RAB2A: variants seen among roughly 807,000 people sequenced by gnomAD.
RAB2A encodes the protein ras-related protein Rab-2A.
In RAB2A, 7 loss-of-function variants were observed where a neutral mutation model predicts 32.5. The ratio of observed to expected loss-of-function variants is 0.22; its 90% CI spans 0.12 to 0.40. The LOEUF is 0.40. Among genes scored for constraint, RAB2A ranks in the 10% least tolerant of loss-of-function variants. The probability of loss-of-function intolerance (pLI) is 1.00; values close to 1 mark genes in which losing one functional copy is unlikely to be tolerated. For missense variants in RAB2A, 108 were observed against 260.7 expected (o/e 0.41, Z 4.03); for synonymous variants, 79 against 85.2 (o/e 0.93, Z 0.40).
chr8:60,576,645 CTT>C (rs1803638619), intron 3 of RAB2A, among the ~76,000 whole-genome samples: 1 of 152,140 alleles, frequency 6.6e-6, no homozygotes, highest in African/African-American at 2.4e-5. Flanking sequence ...ACTTTATACT[CTT>C]GACGTATTAT....
At chr8:60,571,983 A>C in intron 2 of RAB2A, 63 bp from the exon 3 acceptor site, 1 of 1,214,578 alleles carries the variant, frequency 8.2e-7, no homozygotes, top group Non-Finnish European at 1.2e-6. Context: ...TTCTGTTTTT[A>C]ATCCTTGAAA....
intron 1 of RAB2A, among the ~76,000 whole-genome samples, chr8:60,538,149 C>A (rs1408827831): frequency 3.9e-5 from 6 of 152,240 alleles, no homozygotes; most frequent in Non-Finnish European, 7.4e-5. Flanking sequence ...TAACTTATTC[C>A]CTAATAAAAT....
At chr8:60,547,873 C>CG (rs1382474458) in intron 1 of RAB2A, among the ~76,000 whole-genome samples, 3 of 103,094 alleles carry the variant, frequency 2.9e-5, no homozygotes, top group East Asian at 3.3e-4. Flanking sequence ...GCTGGCCGGG[C>CG]GGGGGGCTGA....
At chr8:60,599,345 A>C (rs1031395607) in intron 6 of RAB2A, among the ~76,000 whole-genome samples, 1 of 152,206 alleles carries the variant, frequency 6.6e-6, no homozygotes, top group African/African-American at 2.4e-5. Context: ...TCAACCTTGT[A>C]AAATGTCACT....
chr8:60,547,732 G>A (rs1244263482), intron 1 of RAB2A, among the ~76,000 whole-genome samples: 2 of 117,128 alleles, frequency 1.7e-5, no homozygotes, highest in African/African-American at 6.5e-5. Context: ...TCCCGGACGG[G>A]GCGGCTGGCC....
In RAB2A at chr8:60,622,282, T is replaced by G. The variant is rs1228695345; in HGVS notation, c.*1513T>G. On this transcript the variant is annotated 3_prime_UTR_variant, in exon 8 of 8. Transcript: ENST00000262646. ...TAACTCTGAAACTAACTACTTTCAT[T>G]TCGCTCATGGCCTTCAACTTTCTAC... The G allele has an allele frequency of 6.6e-6, 1 of 152,238 alleles. No homozygotes were observed. The highest frequency in any genetic ancestry group is 6.5e-5 in the Admixed American group (1 of 15,288). 9.4% of individuals were successfully genotyped at this position (152,238 alleles called of 1,614,324 possible).
intron 3 of RAB2A, among the ~76,000 whole-genome samples, chr8:60,583,172 T>A (rs1485148774): frequency 6.6e-6 from 1 of 152,190 alleles, no homozygotes; most frequent in African/African-American, 2.4e-5. Context: ...GCTAAATATT[T>A]ACATTGCAAG....
intron 1 of RAB2A, among the ~76,000 whole-genome samples, chr8:60,537,948 G>A (rs1807582798): frequency 6.6e-6 from 1 of 152,162 alleles, no homozygotes; most frequent in South Asian, 2.1e-4. Context: ...CCAGTGCTGG[G>A]ATTACAAGCA....
In RAB2A at chr8:60,517,193, T is replaced by A. The variant is rs984913988; in HGVS notation, c.-15T>A. The A allele has an allele frequency of 4.0e-6, 6 of 1,487,706 alleles. No individual in the cohort carries two copies. In the African/African-American group the frequency reaches 7.3e-5, roughly 18 times the overall value. The allele number at this position is 1,487,706 out of a possible 1,614,324, so 92.2% of individuals were successfully genotyped here. On this transcript the variant is annotated 5_prime_UTR_variant, in exon 1 of 8. Transcript: ENST00000262646. ...GAGGAGGAGCCGTGTGCCCTGGCAC[T>A]GAGCGGCCGCGGCCATGGCGTACGC...
intron 1 of RAB2A, among the ~76,000 whole-genome samples, chr8:60,547,761 C>G (rs1807763377): frequency 7.8e-6 from 1 of 128,944 alleles, no homozygotes; most frequent in Non-Finnish European, 1.6e-5. Context: ...TGGCTCCTCA[C>G]TTCCCAGCAG....
At chr8:60,552,895 G>A (rs972729043) in intron 1 of RAB2A, 3 of 152,090 alleles carry the variant, frequency 2.0e-5, no homozygotes, top group Admixed American at 6.5e-5. Context: ...TGTGTGCTAG[G>A]GACACACTCT....
chr8:60,599,810 C>T (rs1296394890), intron 6 of RAB2A, among the ~76,000 whole-genome samples: 13 of 148,014 alleles, frequency 8.8e-5, no homozygotes, highest in African/African-American at 3.2e-4. Context: ...ACATATTTAT[C>T]TTTTAGGGGA....
chr8:60,568,869 A>G (rs1480763305), intron 2 of RAB2A, among the ~76,000 whole-genome samples: 2 of 152,190 alleles, frequency 1.3e-5, no homozygotes, highest in Non-Finnish European at 2.9e-5. Flanking sequence ...GAGAATAACA[A>G]TTTATCACAT....
intron 5 of RAB2A, among the ~76,000 whole-genome samples, chr8:60,589,653 G>T (rs1803909313): frequency 6.6e-6 from 1 of 152,156 alleles, no homozygotes; most frequent in Non-Finnish European, 1.5e-5. Flanking sequence ...AGATACTTAA[G>T]TAACCTAAGC....
rs375665634 is a variant in RAB2A, at chr8:60,572,022, C to T, written c.119-24C>T. 3.2e-6 allele frequency: 5 copies of T among 1,559,934 alleles called. No individual in the cohort carries two copies. The African/African-American group carries it at 5.4e-5, about 17-fold the overall frequency. On this transcript the variant is annotated intron_variant, in intron 2 of 7. Coordinates refer to ENST00000262646, the MANE Select transcript of RAB2A (RefSeq NM_002865.3). Reference sequence around the variant, plus strand: ...AGATATATTCCCACTAATTTTGTAACAAATCATTTCCTACTCTATTTAGGT... The same window carrying T: ...AGATATATTCCCACTAATTTTGTAATAAATCATTTCCTACTCTATTTAGGT...
At chr8:60,517,594 CT>C (rs1807228281) in intron 1 of RAB2A, among the ~76,000 whole-genome samples, 1 of 152,118 alleles carries the variant, frequency 6.6e-6, no homozygotes, top group African/African-American at 2.4e-5. Flanking sequence ...CCCAGGGCCC[CT>C]TGCGTTAGGT....
chr8:60,611,903 C>G (rs1804354936), intron 6 of RAB2A, among the ~76,000 whole-genome samples: 1 of 152,116 alleles, frequency 6.6e-6, no homozygotes, highest in African/African-American at 2.4e-5. Context: ...ACATAGAAAA[C>G]CAATTATTAA....
At chr8:60,524,396 A>AT (rs11372014) in intron 1 of RAB2A, among the ~76,000 whole-genome samples, 81,018 of 151,910 alleles carry the variant, frequency 0.53, 24,444 homozygotes, top group African/African-American at 0.83. Flanking sequence ...TTCTCTGCTC[A>AT]CTTTAGTCTA....
intron 2 of RAB2A, among the ~76,000 whole-genome samples, chr8:60,564,404 A>G (rs1768129351): frequency 6.6e-6 from 1 of 152,078 alleles, no homozygotes; most frequent in Non-Finnish European, 1.5e-5. Flanking sequence ...TTTGATGGTT[A>G]TTTTTAATGT....
Sources: allele counts gnomAD v4.1 joint callset (sites outside exome capture counted in the v4.1 genomes callset), GRCh38; gene constraint gnomAD v4.1.1; transcripts MANE v1.5; gene names NCBI Gene and HGNC (gene_info 2026-07-23, HGNC 2026-07-21).